MGAT5: variants seen among roughly 807,000 people sequenced by gnomAD.
MGAT5 encodes alpha-1,6-mannosylglycoprotein 6-beta-N-acetylglucosaminyltransferase A.
In MGAT5, 30 loss-of-function variants were observed where a neutral mutation model predicts 94.3. That is an observed-to-expected ratio of 0.32 (90% CI 0.24 to 0.43). The LOEUF is 0.43. Ranked by LOEUF, MGAT5 falls within the 20% of genes least tolerant of loss-of-function variation. The pLI is 1.00. For missense variants in MGAT5, 691 were observed against 905.5 expected (o/e 0.76, Z 3.04); for synonymous variants, 310 against 322.9 (o/e 0.96, Z 0.43).
At position 134,440,739 on chromosome 2, in the gene MGAT5, A is replaced by G. The variant is rs541248044; in HGVS notation, c.1870-1019A>G. On this transcript the variant is annotated intron_variant, in intron 14 of 15. Transcript: ENST00000281923. The stretch of plus-strand genomic sequence containing the variant: ...TGGAGGCAGGCCTGATTGCGGTGCC[A>G]TGTTAGTGATTGATTGATAGTGAAT... Among the ~76,000 whole-genome samples, 12 of 152,172 alleles carry G rather than the reference A, an allele frequency of 7.9e-5. 1 individual carries two copies. The highest frequency in any genetic ancestry group is 7.9e-4 in the Admixed American group (12 of 15,248).
intron 1 of MGAT5, among the ~76,000 whole-genome samples, chr2:134,237,129 G>A (rs2680728): frequency 6.5e-5 from 3 of 45,906 alleles, no homozygotes; most frequent in Non-Finnish European, 1.3e-4. Flanking sequence ...GTATATGTGT[G>A]TGTGTGTGTG....
At position 134,412,789 on chromosome 2, in the gene MGAT5, G is replaced by T. The variant is rs1455582095; in HGVS notation, c.1531-80G>T. On this transcript the variant is annotated intron_variant, in intron 11 of 15. Coordinates refer to ENST00000281923, the MANE Select transcript of MGAT5 (RefSeq NM_002410.5). ...CACGGGAATGGGCCACAGAATCGCC[G>T]CCTGCAAGCTAGGAATGCCCGTCCT... The T allele has an allele frequency of 1.3e-5, 20 of 1,558,662 alleles. No homozygotes were observed. The Admixed American group carries it at 3.6e-4, about 28-fold the overall frequency.
At chr2:134,383,931 G>A (rs1284192146) in intron 10 of MGAT5, among the ~76,000 whole-genome samples, 1 of 151,860 alleles carries the variant, frequency 6.6e-6, no homozygotes, top group Non-Finnish European at 1.5e-5. Flanking sequence ...CGCCTGCCTC[G>A]GCCTCCCAAA....
At chr2:134,347,012 G>A (rs1165363167) in intron 8 of MGAT5, among the ~76,000 whole-genome samples, 1 of 152,162 alleles carries the variant, frequency 6.6e-6, no homozygotes, top group East Asian at 1.9e-4. Flanking sequence ...GCTGTTACGG[G>A]AAGGCGAGCT....
intron 4 of MGAT5, among the ~76,000 whole-genome samples, chr2:134,328,226 C>A (rs947072857): frequency 2.0e-5 from 3 of 152,092 alleles, no homozygotes; most frequent in African/African-American, 7.2e-5. Context: ...TCTGCACCCC[C>A]CCTCACCCCT....
chr2:134,281,602 GA>G (rs1684699606), intron 2 of MGAT5, among the ~76,000 whole-genome samples: 1 of 152,286 alleles, frequency 6.6e-6, no homozygotes, highest in Non-Finnish European at 1.5e-5. Context: ...AACTGGCACA[GA>G]AGGAATTTTC....
intron 1 of MGAT5, among the ~76,000 whole-genome samples, chr2:134,220,902 C>T (rs1490515226): frequency 6.6e-6 from 1 of 152,148 alleles, no homozygotes; most frequent in Non-Finnish European, 1.5e-5. Context: ...TGTTTTTCAC[C>T]TCAGTACTCC....
chr2:134,333,610 G>T (rs1306527972), intron 4 of MGAT5, among the ~76,000 whole-genome samples: 1 of 151,856 alleles, frequency 6.6e-6, no homozygotes, highest in African/African-American at 2.4e-5. Context: ...AAAAAAGAAG[G>T]TGGTGGGGCT....
intron 1 of MGAT5, among the ~76,000 whole-genome samples, chr2:134,138,773 G>A (rs1293618756): frequency 6.6e-6 from 1 of 152,142 alleles, no homozygotes; most frequent in Non-Finnish European, 1.5e-5. Flanking sequence ...GTTGTCTGGG[G>A]TGACTCACAT....
chr2:134,197,827 C>T (rs918706920), intron 1 of MGAT5, among the ~76,000 whole-genome samples: 3 of 152,142 alleles, frequency 2.0e-5, no homozygotes, highest in Admixed American at 6.5e-5. Context: ...TGTTGCTCTC[C>T]TTTGTATGCC....
intron 15 of MGAT5, among the ~76,000 whole-genome samples, chr2:134,445,859 C>T (rs1308764977): frequency 6.6e-6 from 1 of 152,196 alleles, no homozygotes; most frequent in African/African-American, 2.4e-5. Flanking sequence ...TCCTGGGCTG[C>T]AGAGGCTGTC....
intron 1 of MGAT5, among the ~76,000 whole-genome samples, chr2:134,215,701 A>G (rs1680459423): frequency 6.6e-6 from 1 of 152,224 alleles, no homozygotes; most frequent in Non-Finnish European, 1.5e-5. Flanking sequence ...CAGTAAATCC[A>G]TATCCAAACC....
intron 10 of MGAT5, among the ~76,000 whole-genome samples, chr2:134,386,162 C>A (rs764035815): frequency 2.7e-4 from 41 of 152,016 alleles, no homozygotes; most frequent in Non-Finnish European, 5.4e-4. Flanking sequence ...GCAGTTGGAC[C>A]ATGGAAAAAT....
intron 1 of MGAT5, among the ~76,000 whole-genome samples, chr2:134,265,718 G>C (rs891793052): frequency 6.6e-6 from 1 of 152,176 alleles, no homozygotes; most frequent in African/African-American, 2.4e-5. Context: ...AATTGAAAAT[G>C]ATAATCTTGT....
intron 1 of MGAT5, among the ~76,000 whole-genome samples, chr2:134,222,616 A>G (rs1389018919): frequency 1.3e-5 from 2 of 152,270 alleles, no homozygotes; most frequent in African/African-American, 2.4e-5. Flanking sequence ...AGACAAATCT[A>G]TTTTTCCCAT....
intron 10 of MGAT5, among the ~76,000 whole-genome samples, chr2:134,374,603 C>T (rs1183842811): frequency 6.6e-6 from 1 of 152,186 alleles, no homozygotes; most frequent in Non-Finnish European, 1.5e-5. Context: ...ATACACAATT[C>T]TTTACTTAAA....
chr2:134,121,205 G>A (rs964280783), intron 1 of MGAT5, among the ~76,000 whole-genome samples: 9 of 152,210 alleles, frequency 5.9e-5, no homozygotes, highest in African/African-American at 1.7e-4. Context: ...TGCCCTCACA[G>A]CCGGGATTGG....
chr2:134,432,630 C>T (rs1684947879), intron 14 of MGAT5, among the ~76,000 whole-genome samples: 1 of 152,202 alleles, frequency 6.6e-6, no homozygotes. Context: ...CCCAGAGAGA[C>T]TAGGCAGGTA....
intron 1 of MGAT5, among the ~76,000 whole-genome samples, chr2:134,179,067 G>A (rs1362430409): frequency 6.6e-6 from 1 of 152,176 alleles, no homozygotes; most frequent in Non-Finnish European, 1.5e-5. Flanking sequence ...GAGTTGCCTG[G>A]TGTCCATGTT....
Sources: allele counts gnomAD v4.1 joint callset (sites outside exome capture counted in the v4.1 genomes callset), GRCh38; gene constraint gnomAD v4.1.1; transcripts MANE v1.5; gene names NCBI Gene and HGNC (gene_info 2026-07-23, HGNC 2026-07-21).